The following ADGRL3 variants were observed in gnomAD, a reference collection of about 807,000 sequenced individuals.
ADGRL3 encodes calcium-independent alpha-latrotoxin receptor 3.
A neutral mutation model predicts 153.5 loss-of-function variants in ADGRL3; 62 were observed. The ratio of observed to expected loss-of-function variants is 0.40; its 90% CI spans 0.33 to 0.50. The LOEUF is 0.50. ADGRL3 is among the 20% of genes least tolerant of loss of function. The pLI is 0.47. For missense variants in ADGRL3, 1,641 were observed against 1,859.4 expected (o/e 0.88, Z 2.16); for synonymous variants, 710 against 672.5 (o/e 1.06, Z -0.86).
At chr4:61,249,382 G>T (rs977123030) in intron 1 of ADGRL3, among the ~76,000 whole-genome samples, 4 of 152,006 alleles carry the variant, frequency 2.6e-5, no homozygotes, top group African/African-American at 9.7e-5. Flanking sequence ...GTGATGCATG[G>T]CTCTATGTTG....
intron 6 of ADGRL3, among the ~76,000 whole-genome samples, chr4:61,704,708 T>C (rs2095826745): frequency 6.6e-6 from 1 of 152,206 alleles, no homozygotes; most frequent in Non-Finnish European, 1.5e-5. Flanking sequence ...AGAACTTGTT[T>C]TAAAATTGAA....
At chr4:61,950,646 G>A (rs2098943529) in intron 17 of ADGRL3, among the ~76,000 whole-genome samples, 1 of 152,172 alleles carries the variant, frequency 6.6e-6, no homozygotes, top group Non-Finnish European at 1.5e-5. Flanking sequence ...TCTTCCTTAT[G>A]CCTGAAGAAC....
At chr4:61,705,877 A>T (rs1185068122) in intron 6 of ADGRL3, among the ~76,000 whole-genome samples, 2 of 152,180 alleles carry the variant, frequency 1.3e-5, no homozygotes, top group Non-Finnish European at 2.9e-5. Flanking sequence ...TGAGTAGACC[A>T]TGCTGTAAAC....
At chr4:61,392,753 A>G (rs2096828229) in intron 2 of ADGRL3, among the ~76,000 whole-genome samples, 1 of 150,618 alleles carries the variant, frequency 6.6e-6, no homozygotes, top group African/African-American at 2.4e-5. Context: ...ATGAGAAAAT[A>G]TTTACAAATA....
intron 5 of ADGRL3, among the ~76,000 whole-genome samples, chr4:61,651,676 C>T (rs144141641): frequency 3.3e-5 from 5 of 151,474 alleles, no homozygotes; most frequent in South Asian, 4.2e-4. Flanking sequence ...GGCGTGATCT[C>T]GGCTCACTGC....
intron 2 of ADGRL3, among the ~76,000 whole-genome samples, chr4:61,468,665 T>G (rs1176543182): frequency 2.0e-5 from 3 of 152,082 alleles, no homozygotes; most frequent in African/African-American, 7.2e-5. Flanking sequence ...AAAATAGGAC[T>G]AAGATAATTA....
intron 1 of ADGRL3, among the ~76,000 whole-genome samples, chr4:61,234,790 T>C (rs779135060): frequency 2.6e-4 from 40 of 152,098 alleles, no homozygotes; most frequent in Non-Finnish European, 5.1e-4. Flanking sequence ...GATGACCGAA[T>C]GAGGGGTAGT....
chr4:61,743,324 CAAAAAAA>C (rs752363213), intron 8 of ADGRL3, among the ~76,000 whole-genome samples: 8 of 50,854 alleles, frequency 1.6e-4, no homozygotes, highest in Non-Finnish European at 3.3e-4. Flanking sequence ...GACTCCATCT[CAAAAAAA>C]AAAAAAAAAA....
intron 9 of ADGRL3, among the ~76,000 whole-genome samples, chr4:61,890,700 G>T (rs894860060): frequency 3.3e-5 from 5 of 152,136 alleles, no homozygotes; most frequent in African/African-American, 1.2e-4. Flanking sequence ...CTTACACTGG[G>T]GATGAAGTTT....
chr4:61,775,448 T>A, intron 8 of ADGRL3: 1 of 714,616 alleles, frequency 1.4e-6, no homozygotes, highest in Non-Finnish European at 2.6e-6. Context: ...GATTTATGTC[T>A]TCATTTCTTG....
chr4:61,341,701 A>C (rs1431559280), intron 1 of ADGRL3, among the ~76,000 whole-genome samples: 2 of 152,008 alleles, frequency 1.3e-5, no homozygotes, highest in South Asian at 2.1e-4. Context: ...TCTTTTCATC[A>C]GTCCCATAGT....
chr4:61,490,984 A>G (rs2098251785), intron 2 of ADGRL3, among the ~76,000 whole-genome samples: 1 of 152,152 alleles, frequency 6.6e-6, no homozygotes, highest in African/African-American at 2.4e-5. Flanking sequence ...ACTGAGTTCA[A>G]ACTCCTTTAA....
intron 9 of ADGRL3, among the ~76,000 whole-genome samples, chr4:61,892,182 C>CTTTT (rs5858738): frequency 6.3e-5 from 9 of 143,690 alleles, no homozygotes; most frequent in East Asian, 2.0e-4. Context: ...TTTCTGTTTC[C>CTTTT]TTTTTTTTTT....
intron 5 of ADGRL3, among the ~76,000 whole-genome samples, chr4:61,629,481 G>T (rs1366253273): frequency 1.3e-5 from 2 of 151,722 alleles, no homozygotes; most frequent in Non-Finnish European, 2.9e-5. Context: ...CACTATGGGA[G>T]GCCGAGGTGG....
rs546344369 is a variant in ADGRL3 at position 61,262,025 on chromosome 4, GCTTAGTAAA to G, written c.-240+60263_-240+60271del. 4.2e-4 allele frequency among the ~76,000 whole-genome samples: 64 copies of G among 152,212 alleles called. No homozygotes were observed. The South Asian group carries it at 5.2e-3, about 12-fold the overall frequency. ...AAATATTAAGAGAGACCAAGGAAGGGCTTAGTAAACTATGTTTCAAAGGTTTATTTTTGA... is the reference window on the plus strand; with the variant it reads ...AAATATTAAGAGAGACCAAGGAAGGGCTATGTTTCAAAGGTTTATTTTTGA... On this transcript the variant is annotated intron_variant, in intron 1 of 26. Coordinates refer to ENST00000683033, the MANE Select transcript of ADGRL3 (RefSeq NM_001387552.1).
At chr4:61,451,911 GC>G (rs2097679364) in intron 2 of ADGRL3, among the ~76,000 whole-genome samples, 1 of 152,110 alleles carries the variant, frequency 6.6e-6, no homozygotes, top group Non-Finnish European at 1.5e-5. Flanking sequence ...CAGATAAAGG[GC>G]TTTTGCTACA....
intron 5 of ADGRL3, among the ~76,000 whole-genome samples, chr4:61,613,378 A>G (rs1291466476): frequency 6.6e-6 from 1 of 152,218 alleles, no homozygotes; most frequent in Non-Finnish European, 1.5e-5. Context: ...AGACATGGTC[A>G]TGAAATTCTT....
intron 9 of ADGRL3, among the ~76,000 whole-genome samples, chr4:61,836,726 A>G (rs575370593): frequency 6.6e-6 from 1 of 152,238 alleles, no homozygotes; most frequent in South Asian, 2.1e-4. Flanking sequence ...AAACAAATTT[A>G]CTTCTGTTGA....
intron 8 of ADGRL3, among the ~76,000 whole-genome samples, chr4:61,763,771 T>A (rs1294051695): frequency 6.6e-6 from 1 of 152,174 alleles, no homozygotes; most frequent in Non-Finnish European, 1.5e-5. Flanking sequence ...TAATTTAGCA[T>A]AATTCTAAGG....
Sources: allele counts gnomAD v4.1 joint callset (sites outside exome capture counted in the v4.1 genomes callset), GRCh38; gene constraint gnomAD v4.1.1; transcripts MANE v1.5; gene names NCBI Gene and HGNC (gene_info 2026-07-23, HGNC 2026-07-21).